Variants in HEPACAM observed in about 807,000 individuals in gnomAD.
The protein encoded by HEPACAM is hepatic and glial cell adhesion molecule, also known as hepatocyte cell adhesion molecule.
Under a neutral mutation model 38.3 loss-of-function variants are expected in HEPACAM, and 18 were observed. The ratio of observed to expected loss-of-function variants is 0.47; its 90% CI spans 0.33 to 0.70. The LOEUF (loss-of-function observed/expected upper bound fraction) is 0.70. Among genes scored for constraint, HEPACAM ranks in the 30% least tolerant of loss-of-function variants. The pLI, the probability that HEPACAM is intolerant of heterozygous loss-of-function variation, is 0.03. For synonymous variants in HEPACAM, 216 were observed against 243.1 expected, an observed-to-expected ratio of 0.89 and a Z score of 1.04; for missense variants, 466 against 563.0, an observed-to-expected ratio of 0.83 and a Z score of 1.74.
intron 1 of HEPACAM, among the ~76,000 whole-genome samples, chr11:124,925,656 G>T (rs983369794): frequency 1.3e-5 from 2 of 152,160 alleles, no homozygotes; most frequent in African/African-American, 4.8e-5. Flanking sequence ...TATACCGAGA[G>T]CCTCTTCCCG....
At chr11:124,923,700 A>G (rs1565338484) in intron 3 of HEPACAM, 29 bp downstream of exon 3, 1 of 1,613,452 alleles carries the variant, frequency 6.2e-7, no homozygotes, top group South Asian at 1.1e-5. Context: ...GGCTTTGAGT[A>G]CTAAAGGAAA....
At position 124,924,812 on chromosome 11, in the gene HEPACAM, C is replaced by A. The variant is rs1325714691; in HGVS notation, c.343G>T (p.Ala115Ser). The A allele has an allele frequency of 6.2e-7, 1 of 1,614,002 alleles. No homozygotes were observed. Among genetic ancestry groups the A allele is most frequent in the Non-Finnish European group, 8.5e-7 (1 of 1,180,032 alleles). ...TCGACCTCATAGGTGCCCTCATCGG[C>A]CAGCTGCAGGTCGCTGAGAAGCAGG... ...GSLLLSDLQL[A>S]DEGTYEVEIS... Residue 115 changes from alanine to serine, a missense_variant, in exon 2 of 7, where the codon GCC (alanine) becomes TCC (serine). Physicochemically the swap from Ala to Ser is moderately conservative, Grantham distance 99. Coordinates refer to ENST00000298251, the MANE Select transcript of HEPACAM (RefSeq NM_152722.5). This position sits in a 1 kb window ranked among gnomAD's most constrained non-coding sequence, Gnocchi z 4.4.
chr11:124,920,647 C>A lies in HEPACAM; in HGVS notation c.*491G>T. ...CCTTAGCTTAGTGCAGCTGTGGATT[C>A]TGGGAAAGTGGCCTCTCTAATCTGA... is the stretch of plus-strand genomic sequence containing the variant. On this transcript the variant is annotated 3_prime_UTR_variant, in exon 7 of 7. Coordinates refer to ENST00000298251, the MANE Select transcript of HEPACAM (RefSeq NM_152722.5). 2.9e-6 allele frequency: 1 copy of A among 342,954 alleles called. No individual in the cohort carries two copies. The allele number at this position is 342,954 out of a possible 1,614,324, so 21.2% of individuals were successfully genotyped here.
In HEPACAM at chr11:124,923,940, C is replaced by T. The variant is rs367911488; in HGVS notation, c.498G>A (p.Leu166=). 1.6e-4 allele frequency: 264 copies of T among 1,612,750 alleles called. No homozygotes were observed. Among genetic ancestry groups the T allele is most frequent in the Non-Finnish European group, 2.1e-4 (246 of 1,180,010 alleles). The part of the protein sequence containing the change: ...TVLELSEAFT[L]NCSHENGTKP... ...TGGTGCCATTCTCATGTGAGCAGTT[C>T]AAGGTGAAGGCCTCGCTGAGCTCCA... Residue 166 remains leucine (L), a synonymous_variant, in exon 3 of 7, where the codon TTG becomes TTA. Coordinates refer to ENST00000298251, the MANE Select transcript of HEPACAM (RefSeq NM_152722.5).
intron 1 of HEPACAM, among the ~76,000 whole-genome samples, chr11:124,931,525 C>T (rs1565341812): frequency 6.6e-6 from 1 of 152,190 alleles, no homozygotes; most frequent in African/African-American, 2.4e-5. Context: ...AATCTGATAC[C>T]AGTTCATACC....
chr11:124,921,758 G>A lies in HEPACAM; in HGVS notation c.949-318C>T, dbSNP rs1007555541. Among the ~76,000 whole-genome samples, 1 of 152,146 alleles carries A rather than the reference G, an allele frequency of 6.6e-6. No individual in the cohort carries two copies. The highest frequency in any genetic ancestry group is 6.5e-5 in the Admixed American group (1 of 15,284). ...GAATACTGGGGAAATCACCAGAACT[G>A]GTGTCCAAAGACCTAGGTTTGAAAC... is the stretch of plus-strand genomic sequence containing the variant. On this transcript the variant is annotated intron_variant, in intron 6 of 6. Coordinates refer to ENST00000298251, the MANE Select transcript of HEPACAM (RefSeq NM_152722.5). The surrounding 1 kb of genome is among the most constrained non-coding windows in gnomAD (Gnocchi z 4.6).
At position 124,936,022 on chromosome 11, in the gene HEPACAM, C is replaced by T; in HGVS notation, c.-16G>A. ...CTCTCTTCATTTTGGGTGGCGTTCT[C>T]CAGCTCTAGTGCAGACAATTAGCAT... On this transcript the variant is annotated 5_prime_UTR_variant, in exon 1 of 7. Transcript: ENST00000298251. The T allele has an allele frequency of 6.2e-7, 1 of 1,610,362 alleles. No homozygotes were observed.
chr11:124,923,654 G>A (rs1255099472), intron 3 of HEPACAM, 75 bp downstream of exon 3: 2 of 1,562,878 alleles, frequency 1.3e-6, no homozygotes, highest in African/African-American at 2.7e-5. Context: ...ATTTCTTTGG[G>A]ATGTCCTCAG....
rs778380762 is a variant in HEPACAM, at chr11:124,924,926, C to G, written c.229G>C (p.Val77Leu). 1 of 1,614,190 alleles carries G rather than the reference C, an allele frequency of 6.2e-7. No individual in the cohort carries two copies. Among genetic ancestry groups the G allele is most frequent in the East Asian group, 2.2e-5 (1 of 44,888 alleles). Residue 77 changes from valine (V) to leucine (L), a missense_variant, in exon 2 of 7, where the codon GTG becomes CTG. By Grantham distance (32) the Val-to-Leu change is conservative. Coordinates refer to ENST00000298251, the MANE Select transcript of HEPACAM (RefSeq NM_152722.5). This position sits in a 1 kb window ranked among gnomAD's most constrained non-coding sequence, Gnocchi z 4.4. ...VKWQLKRDKP[V>L]TVVQSIGTEV... is the part of the protein sequence containing the mutation. Reference sequence around the variant, plus strand: ...GTGCCAATGGACTGCACCACGGTCACTGGCTTGTCCCGCTTCAGCTGCCAC... The same window carrying G: ...GTGCCAATGGACTGCACCACGGTCAGTGGCTTGTCCCGCTTCAGCTGCCAC...
Position 124,924,124 on chromosome 11 carries a change from G to T in HEPACAM, c.428-114C>A. ...TTAACACTACCTTCCAACTCAATCT[G>T]TGGGCTGAGAAGACTTCAGACATCC... On this transcript the variant is annotated intron_variant, in intron 2 of 6. Coordinates refer to ENST00000298251, the MANE Select transcript of HEPACAM (RefSeq NM_152722.5). This position sits in a 1 kb window ranked among gnomAD's most constrained non-coding sequence, Gnocchi z 4.4. 1 of 1,031,628 alleles carries T rather than the reference G, an allele frequency of 9.7e-7. No individual in the cohort carries two copies. Among genetic ancestry groups the T allele is most frequent in the Non-Finnish European group, 1.4e-6 (1 of 690,312 alleles). 63.9% of individuals were successfully genotyped at this position (1,031,628 alleles called of 1,614,324 possible).
At position 124,919,837 on chromosome 11, in the gene HEPACAM, G is replaced by C; in HGVS notation, c.*1301C>G. Reference sequence around the variant, plus strand: ...GGAGACTAGGGATGCAAGGACCCTTGGAGGCATTAAGGAGGAGGGAATGGA... The same window carrying C: ...GGAGACTAGGGATGCAAGGACCCTTCGAGGCATTAAGGAGGAGGGAATGGA... On this transcript the variant is annotated 3_prime_UTR_variant, in exon 7 of 7. Coordinates refer to ENST00000298251, the MANE Select transcript of HEPACAM (RefSeq NM_152722.5). The C allele has an allele frequency of 6.2e-7, 1 of 1,614,138 alleles. No homozygotes were observed. The highest frequency in any genetic ancestry group is 8.5e-7 in the Non-Finnish European group (1 of 1,180,012).
chr11:124,928,891 CT>C (rs1460430832), intron 1 of HEPACAM, among the ~76,000 whole-genome samples: 4 of 152,246 alleles, frequency 2.6e-5, no homozygotes, highest in Non-Finnish European at 5.9e-5. Context: ...TCAGGACCCC[CT>C]GAGGCTGTGT....
chr11:124,923,409 A>G lies in HEPACAM; in HGVS notation c.734T>C (p.Leu245Ser). The change falls in exon 4 of 7, where the codon TTG becomes TCG. Residue 245 changes from leucine to serine, a missense_variant. Physicochemically the swap from Leu to Ser is moderately radical, Grantham distance 145 (BLOSUM62 -2). Coordinates refer to ENST00000298251, the MANE Select transcript of HEPACAM (RefSeq NM_152722.5). ...AAGGAGGAAGATGCCTCCTGTAGACAAGATGATGTAAAGGGAGCTTCTTCC... is the reference window on the plus strand; with the variant it reads ...AAGGAGGAAGATGCCTCCTGTAGACGAGATGATGTAAAGGGAGCTTCTTCC... ...VYRRSSLYII[L>S]STGGIFLLVT... The G allele has an allele frequency of 6.2e-7, 1 of 1,612,816 alleles. No homozygotes were observed. Among genetic ancestry groups the G allele is most frequent in the Non-Finnish European group, 8.5e-7 (1 of 1,178,894 alleles).
chr11:124,919,963 T>A lies in HEPACAM; in HGVS notation c.*1175A>T. The A allele has an allele frequency of 1.2e-6, 2 of 1,613,804 alleles. No individual in the cohort carries two copies. Among genetic ancestry groups the A allele is most frequent in the Non-Finnish European group, 1.7e-6 (2 of 1,180,012 alleles). ...ATGAACTGTTCAATAGGCGGTGGCA[T>A]GGGCATGTCCTGGCTACACAGCGGC... On this transcript the variant is annotated 3_prime_UTR_variant, in exon 7 of 7. Coordinates refer to ENST00000298251, the MANE Select transcript of HEPACAM (RefSeq NM_152722.5).
Position 124,919,697 on chromosome 11 carries a change from T to A in HEPACAM, c.*1441A>T, listed in dbSNP as rs750240965. ...GGGGTTCAGGGCAGAGGGGGCAAAC[T>A]AGAAATGTCAGTGCCTTTGGGGCTG... On this transcript the variant is annotated 3_prime_UTR_variant, in exon 7 of 7. Coordinates refer to ENST00000298251, the MANE Select transcript of HEPACAM (RefSeq NM_152722.5). The A allele has an allele frequency of 1.9e-6, 3 of 1,592,976 alleles. No homozygotes were observed. The highest frequency in any genetic ancestry group is 2.6e-6 in the Non-Finnish European group (3 of 1,169,240).
intron 1 of HEPACAM, among the ~76,000 whole-genome samples, chr11:124,931,638 C>G (rs753166102): frequency 1.3e-5 from 2 of 152,320 alleles, no homozygotes; most frequent in East Asian, 1.9e-4. Flanking sequence ...CTGATACATT[C>G]ATTTTTGAAA....
chr11:124,927,092 A>T (rs1042023369), intron 1 of HEPACAM, among the ~76,000 whole-genome samples: 3 of 152,044 alleles, frequency 2.0e-5, no homozygotes, highest in South Asian at 2.1e-4. Flanking sequence ...GGATGGTGTC[A>T]ATCTCCTGAC....
intron 1 of HEPACAM, among the ~76,000 whole-genome samples, chr11:124,929,121 G>T (rs528413706): frequency 2.0e-4 from 30 of 152,202 alleles, no homozygotes; most frequent in Admixed American, 3.3e-4. Flanking sequence ...AGCTTCCCTG[G>T]CTTCCATGCT....
chr11:124,920,427 AG>A lies in HEPACAM; in HGVS notation c.*710del, dbSNP rs1947111842. On this transcript the variant is annotated 3_prime_UTR_variant, in exon 7 of 7. Coordinates refer to ENST00000298251, the MANE Select transcript of HEPACAM (RefSeq NM_152722.5). ...GCATGCCTCCGAGGGAGGCTGTGGG[AG>A]GAGGCCAAGCTGGCAGGCTCGGGTT... 2 of 1,547,862 alleles carry A rather than the reference AG, an allele frequency of 1.3e-6. No homozygotes were observed. The highest frequency in any genetic ancestry group is 3.3e-4 in the Middle Eastern group (2 of 5,980).
Sources: allele counts gnomAD v4.1 joint callset (sites outside exome capture counted in the v4.1 genomes callset), GRCh38; gene constraint gnomAD v4.1.1; non-coding constraint Gnocchi (gnomAD v3.1); transcripts MANE v1.5; gene names NCBI Gene and HGNC (gene_info 2026-07-23, HGNC 2026-07-21).